Variants in VPS41 observed in about 807,000 individuals in gnomAD.
The protein encoded by VPS41 is VPS41 subunit of HOPS complex, also known as vacuolar protein sorting-associated protein 41 homolog.
VPS41 carries 85 observed loss-of-function variants against 130.9 expected under a neutral mutation model. That is an observed-to-expected ratio of 0.65 (90% CI 0.55 to 0.78). VPS41 has a LOEUF of 0.78. Ranked by LOEUF, VPS41 falls within the 30% of genes least tolerant of loss-of-function variation. The probability of loss-of-function intolerance (pLI) is 0.00; values close to 1 mark genes in which losing one functional copy is unlikely to be tolerated. For missense variants in VPS41, 874 were observed against 1,018.7 expected, an observed-to-expected ratio of 0.86 and a Z score of 1.93; for synonymous variants, 335 against 332.9, an observed-to-expected ratio of 1.01 and a Z score of -0.07.
In VPS41 at chr7:38,862,668, T is replaced by C. The variant is rs139756304; in HGVS notation, c.169-46A>G. On this transcript the variant is annotated intron_variant, in intron 3 of 28. Transcript: ENST00000310301. ...CCAGTTAATTAATTAATAATACTAT[T>C]AATACACAAGTAGTAACAAAACCAT... 2.1e-3 allele frequency: 2,401 copies of C among 1,167,254 alleles called. 6 individuals carry two copies. Among genetic ancestry groups the C allele is most frequent in the Middle Eastern group, 3.2e-3 (16 of 4,972 alleles). The allele number at this position is 1,167,254 out of a possible 1,614,324, so 72.3% of individuals were successfully genotyped here. A position where few individuals can be genotyped will look rare whatever the true frequency, so the allele number is the denominator to read the frequency against.
At chr7:38,782,657 G>C (rs982804414) in intron 10 of VPS41, among the ~76,000 whole-genome samples, 4 of 152,142 alleles carry the variant, frequency 2.6e-5, no homozygotes, top group African/African-American at 7.2e-5. Flanking sequence ...CAGGGCAATG[G>C]GGTCAGGGTT....
Sources: allele counts gnomAD v4.1 joint callset (sites outside exome capture counted in the v4.1 genomes callset), GRCh38; gene constraint gnomAD v4.1.1; transcripts MANE v1.5; gene names NCBI Gene and HGNC (gene_info 2026-07-23, HGNC 2026-07-21).